DENND1A: variants seen among roughly 807,000 people sequenced by gnomAD.
DENND1A encodes DENN domain containing 1A.
DENND1A carries 51 observed loss-of-function variants against 113.7 expected under a neutral mutation model. That is an observed-to-expected ratio of 0.45 (90% confidence interval 0.36 to 0.57). The LOEUF is 0.57. Ranked by LOEUF, DENND1A falls within the 20% of genes least tolerant of loss-of-function variation. The probability of loss-of-function intolerance (pLI) is 0.00; values close to 1 mark genes in which losing one functional copy is unlikely to be tolerated. For synonymous variants in DENND1A, 565 were observed against 570.8 expected (o/e 0.99, Z 0.14); for missense variants, 1,258 against 1,395.9 (o/e 0.90, Z 1.57).
chr9:123,667,486 G>A (rs767053783), intron 7 of DENND1A, among the ~76,000 whole-genome samples: 12 of 152,126 alleles, frequency 7.9e-5, no homozygotes, highest in Non-Finnish European at 1.5e-4. Flanking sequence ...GTGTGGTGGC[G>A]GGCACCTGTA....
At chr9:123,761,066 CAG>C (rs1229826580) in intron 4 of DENND1A, among the ~76,000 whole-genome samples, 2 of 152,132 alleles carry the variant, frequency 1.3e-5, no homozygotes, top group East Asian at 1.9e-4. Context: ...AGGAAAAAGA[CAG>C]AGAATGAATG....
At chr9:123,416,080 T>C (rs1006460865) in intron 19 of DENND1A, among the ~76,000 whole-genome samples, 9 of 152,198 alleles carry the variant, frequency 5.9e-5, no homozygotes, top group African/African-American at 2.2e-4. Context: ...TAGCTGAATG[T>C]AGGGACTACA....
intron 6 of DENND1A, among the ~76,000 whole-genome samples, chr9:123,672,386 T>G (rs1443184938): frequency 6.6e-6 from 1 of 152,196 alleles, no homozygotes; most frequent in Non-Finnish European, 1.5e-5. Context: ...TCAAACTTAC[T>G]GAACAGTTGT....
chr9:123,488,657 C>T (rs1402069565), intron 13 of DENND1A, among the ~76,000 whole-genome samples: 1 of 152,210 alleles, frequency 6.6e-6, no homozygotes, highest in African/African-American at 2.4e-5. Context: ...ACTAGAGACC[C>T]TCTGGACATG....
intron 1 of DENND1A, among the ~76,000 whole-genome samples, chr9:123,883,779 T>TCATA (rs968810712): frequency 6.6e-5 from 10 of 150,920 alleles, no homozygotes; most frequent in Admixed American, 1.3e-4. Context: ...CTCTAATGAG[T>TCATA]CATAATAAAG....
At chr9:123,661,061 G>A (rs7027523) in intron 8 of DENND1A, among the ~76,000 whole-genome samples, 58,208 of 152,130 alleles carry the variant, frequency 0.38, 12,561 homozygotes, top group African/African-American at 0.59. Context: ...GGTTGAGAAG[G>A]AAAGCTTAAA....
intron 1 of DENND1A, among the ~76,000 whole-genome samples, chr9:123,907,286 T>G (rs1478468663): frequency 6.8e-6 from 1 of 146,240 alleles, no homozygotes; most frequent in Non-Finnish European, 1.5e-5. Flanking sequence ...GCATTCCCTT[T>G]GAAAACTGGC....
intron 1 of DENND1A, among the ~76,000 whole-genome samples, chr9:123,917,946 T>C (rs1019158092): frequency 6.7e-6 from 1 of 149,050 alleles, no homozygotes; most frequent in African/African-American, 2.5e-5. Context: ...CCATCTCTAC[T>C]AAAAATACAA....
intron 1 of DENND1A, among the ~76,000 whole-genome samples, chr9:123,918,284 C>A (rs1388946951): frequency 6.6e-6 from 1 of 150,550 alleles, no homozygotes; most frequent in Non-Finnish European, 1.5e-5. Flanking sequence ...GTCAGGAGAT[C>A]GAGACCATCC....
intron 13 of DENND1A, among the ~76,000 whole-genome samples, chr9:123,478,772 T>C (rs1051234573): frequency 6.6e-6 from 1 of 152,216 alleles, no homozygotes; most frequent in Non-Finnish European, 1.5e-5. Context: ...CTTTTCGGTA[T>C]GTTTGTAAAT....
rs1416562805 is a variant in DENND1A, at chr9:123,634,505, A to C, written c.619-4029T>G. On this transcript the variant is annotated intron_variant, in intron 9 of 23. Transcript: ENST00000394215. ...GTATCACTTGCCACTTATTTTTAAA[A>C]TAACTCTAAACTCTGTTTCTAAAAA... Among the ~76,000 whole-genome samples, 3 of 152,248 alleles carry C rather than the reference A, an allele frequency of 2.0e-5. No individual in the cohort carries two copies. The East Asian group carries it at 5.8e-4, about 29-fold the overall frequency.
At chr9:123,674,597 G>C (rs917615822) in intron 6 of DENND1A, among the ~76,000 whole-genome samples, 2 of 152,148 alleles carry the variant, frequency 1.3e-5, no homozygotes, top group Admixed American at 6.5e-5. Flanking sequence ...AACCAAAGGG[G>C]GAAGAAAAGA....
intron 1 of DENND1A, among the ~76,000 whole-genome samples, chr9:123,910,815 C>T (rs1318637404): frequency 1.3e-5 from 2 of 152,138 alleles, no homozygotes; most frequent in African/African-American, 4.8e-5. Context: ...TGGCACACAC[C>T]TGTAATCCCA....
At chr9:123,619,079 T>A (rs912820757) in intron 10 of DENND1A, among the ~76,000 whole-genome samples, 1 of 152,110 alleles carries the variant, frequency 6.6e-6, no homozygotes, top group Non-Finnish European at 1.5e-5. Context: ...TCAGAGTAGC[T>A]GGGATTACAG....
At chr9:123,546,282 C>T (rs2056673870) in intron 13 of DENND1A, among the ~76,000 whole-genome samples, 2 of 152,002 alleles carry the variant, frequency 1.3e-5, no homozygotes, top group South Asian at 2.1e-4. Flanking sequence ...GGCGAGGTGG[C>T]TCACGCCTGT....
chr9:123,748,523 T>A (rs2069726285), intron 5 of DENND1A, among the ~76,000 whole-genome samples: 1 of 152,190 alleles, frequency 6.6e-6, no homozygotes, highest in Non-Finnish European at 1.5e-5. Context: ...ATGTTAGGCT[T>A]CCTACTGCTT....
At chr9:123,543,722 C>G (rs77719717) in intron 13 of DENND1A, among the ~76,000 whole-genome samples, 4,503 of 152,274 alleles carry the variant, frequency 0.03, 118 homozygotes, top group East Asian at 0.064. Context: ...AGGCCTTATT[C>G]CAGACACATC....
At chr9:123,496,610 A>G (rs776466410) in intron 13 of DENND1A, among the ~76,000 whole-genome samples, 4 of 152,198 alleles carry the variant, frequency 2.6e-5, no homozygotes, top group Admixed American at 6.5e-5. Context: ...CTTCTGCTGG[A>G]CTGGGAAGGC....
At position 123,452,202 on chromosome 9, in the gene DENND1A, G is replaced by C. The variant is rs970732753; in HGVS notation, c.1299+74C>G. 2.1e-6 allele frequency: 3 copies of C among 1,400,590 alleles called. No homozygotes were observed. The African/African-American group carries it at 4.3e-5, about 20-fold the overall frequency. 86.8% of individuals were successfully genotyped at this position (1,400,590 alleles called of 1,614,324 possible). On this transcript the variant is annotated intron_variant, in intron 17 of 23. Coordinates refer to ENST00000394215, the MANE Select transcript of DENND1A (RefSeq NM_001352964.2). ...GAGCAAGACCCAGTTTCAAAAGTAAGTAAATAAATAAAGAGTCTCATCATG... is the reference window on the plus strand; with the variant it reads ...GAGCAAGACCCAGTTTCAAAAGTAACTAAATAAATAAAGAGTCTCATCATG...
Sources: gnomAD v4.1 joint callset for allele counts (sites outside exome capture counted in the v4.1 genomes callset) on GRCh38, gnomAD v4.1.1 for gene constraint, MANE v1.5 for transcripts, NCBI Gene and HGNC (gene_info 2026-07-23, HGNC 2026-07-21) for gene names.